The following ABCA10 variants were observed in gnomAD, a reference collection of about 807,000 sequenced individuals.
The protein encoded by ABCA10 is ATP binding cassette subfamily A member 10.
In ABCA10, 169 loss-of-function variants were observed where a neutral mutation model predicts 187.5. That is an observed-to-expected ratio of 0.90 (90% CI 0.80 to 1.02). The LOEUF is 1.02. Ranked by LOEUF, ABCA10 falls within the 50% of genes least tolerant of loss-of-function variation. ABCA10 has a pLI of 0.00. For missense variants in ABCA10, 1,727 were observed against 1,812.4 expected, an observed-to-expected ratio of 0.95 and a Z score of 0.86; for synonymous variants, 574 against 601.8, an observed-to-expected ratio of 0.95 and a Z score of 0.68.
rs374670778 is a variant in ABCA10 at position 69,193,227 on chromosome 17, T to C, written c.1663A>G (p.Thr555Ala). The change falls in exon 15 of 39, where the codon ACT (threonine) becomes GCT (alanine). Residue 555 changes from threonine (T) to alanine (A), a missense_variant. By Grantham distance (58) the Thr-to-Ala change is moderately conservative. Transcript: ENST00000690296. ...DPQVLLLDEP[T>A]AGLDPFSRHR... Reference sequence around the variant, plus strand: ...CTTGAAAAGGGATCCAATCCAGCAGTTGGTTCATCTAGCAGCAAAACCTAC... The same window carrying C: ...CTTGAAAAGGGATCCAATCCAGCAGCTGGTTCATCTAGCAGCAAAACCTAC... 3.7e-6 allele frequency: 6 copies of C among 1,613,568 alleles called. No individual in the cohort carries two copies. In the African/African-American group the frequency reaches 6.7e-5, roughly 18 times the overall value.
At chr17:69,156,659 T>C (rs1434255189) in intron 28 of ABCA10, among the ~76,000 whole-genome samples, 173 bp downstream of exon 28, 1 of 152,136 alleles carries the variant, frequency 6.6e-6, no homozygotes, top group African/African-American at 2.4e-5. Context: ...AATAAAATTA[T>C]AAATTTAAGA....
chr17:69,188,632 C>T (rs2074439115), intron 18 of ABCA10, among the ~76,000 whole-genome samples: 4 of 151,580 alleles, frequency 2.6e-5, no homozygotes, highest in Admixed American at 6.6e-5. Flanking sequence ...GGTGTACAGA[C>T]AATTTTGTCA....
intron 30 of ABCA10, 148 bp from the exon 31 acceptor site, chr17:69,154,474 G>A (rs2074158438): frequency 1.6e-6 from 1 of 618,724 alleles, no homozygotes; most frequent in East Asian, 2.9e-5. Context: ...GCCTAGGCTG[G>A]ACTGTGGTGG....
At chr17:69,191,009 C>T (rs1023001269) in intron 17 of ABCA10, among the ~76,000 whole-genome samples, 167 bp downstream of exon 17, 1 of 151,980 alleles carries the variant, frequency 6.6e-6, no homozygotes, top group Admixed American at 6.6e-5. Flanking sequence ...TGCTATAATA[C>T]GTCCCTGGTA....
Position 69,190,440 on chromosome 17 carries a change from G to T in ABCA10, c.2049C>A (p.Gly683=). 1 of 1,584,596 alleles carries T rather than the reference G, an allele frequency of 6.3e-7. No homozygotes were observed. ...YSDLDKCSDQ[G]IRNYAVSVTS... is the part of the protein sequence containing the mutation. ...TCACTGAAACAGCATAATTCCTTATGCCCTGGTCAGAACACTTATCAAGGT... is the reference window on the plus strand; with the variant it reads ...TCACTGAAACAGCATAATTCCTTATTCCCTGGTCAGAACACTTATCAAGGT... Residue 683 remains glycine, a synonymous_variant, in exon 18 of 39, where the codon GGC becomes GGA. Transcript: ENST00000690296.
chr17:69,194,519 A>C (rs564173364), intron 11 of ABCA10, 24 bp from the exon 12 acceptor site: 1 of 1,561,682 alleles, frequency 6.4e-7, no homozygotes, highest in South Asian at 1.2e-5. Flanking sequence ...AAAAGTGGAA[A>C]TTAGATTTTG....
chr17:69,172,490 C>G (rs956530396), intron 25 of ABCA10, among the ~76,000 whole-genome samples: 4 of 152,076 alleles, frequency 2.6e-5, no homozygotes, highest in African/African-American at 9.7e-5. Context: ...ATGGGAGAGG[C>G]CTCAGAAGAA....
At chr17:69,204,902 C>A (rs540728371) in intron 9 of ABCA10, among the ~76,000 whole-genome samples, 1 of 152,292 alleles carries the variant, frequency 6.6e-6, no homozygotes, top group East Asian at 1.9e-4. Flanking sequence ...ACCAAGACAG[C>A]TAAATGGCTT....
intron 10 of ABCA10, among the ~76,000 whole-genome samples, chr17:69,200,260 A>G (rs574119493): frequency 6.6e-6 from 1 of 152,276 alleles, no homozygotes; most frequent in African/African-American, 2.4e-5. Context: ...CTTTATGACA[A>G]ATTGTGTATT....
chr17:69,183,081 A>G (rs1055841038), intron 20 of ABCA10, among the ~76,000 whole-genome samples: 3 of 152,152 alleles, frequency 2.0e-5, no homozygotes, highest in Non-Finnish European at 4.4e-5. Context: ...GTTTATGAAA[A>G]TAAGATTGCA....
chr17:69,192,531 C>T, intron 16 of ABCA10, 32 bp downstream of exon 16: 1 of 1,542,098 alleles, frequency 6.5e-7, no homozygotes, highest in Non-Finnish European at 8.9e-7. Context: ...TTAATATGCT[C>T]ATTTAAAAAT....
intron 25 of ABCA10, among the ~76,000 whole-genome samples, chr17:69,167,261 G>A (rs1331887769): frequency 6.6e-6 from 1 of 152,080 alleles, no homozygotes; most frequent in Non-Finnish European, 1.5e-5. Context: ...CTAGATCAGG[G>A]GTCATAAGAA....
At chr17:69,217,285 A>T in intron 6 of ABCA10, among the ~76,000 whole-genome samples, 1 of 152,092 alleles carries the variant, frequency 6.6e-6, no homozygotes, top group East Asian at 1.9e-4. Flanking sequence ...TGATGATTAT[A>T]GTTGTATAAC....
chr17:69,225,250 A>C, intron 3 of ABCA10, 75 bp downstream of exon 3: 2 of 1,517,172 alleles, frequency 1.3e-6, no homozygotes, highest in Non-Finnish European at 1.8e-6. Context: ...AGGCTAGGTA[A>C]GTAAATTCAA....
intron 1 of ABCA10, among the ~76,000 whole-genome samples, chr17:69,236,876 C>T (rs1398898221): frequency 1.3e-5 from 2 of 151,990 alleles, no homozygotes; most frequent in African/African-American, 2.4e-5. Context: ...TCTCTCACAA[C>T]GAAAAATTAT....
chr17:69,157,749 G>A (rs1381126180), intron 27 of ABCA10, among the ~76,000 whole-genome samples: 2 of 151,792 alleles, frequency 1.3e-5, no homozygotes, highest in Admixed American at 1.3e-4. Flanking sequence ...TTTCAAAACA[G>A]TTGTCTCAAC....
intron 27 of ABCA10, among the ~76,000 whole-genome samples, chr17:69,159,222 T>C (rs1161651216): frequency 1.3e-5 from 2 of 152,004 alleles, no homozygotes; most frequent in Non-Finnish European, 2.9e-5. Flanking sequence ...AAGTAAAATA[T>C]GACTCAAATA....
intron 1 of ABCA10, among the ~76,000 whole-genome samples, chr17:69,235,339 T>A (rs2074860815): frequency 6.6e-6 from 1 of 152,206 alleles, no homozygotes; most frequent in Non-Finnish European, 1.5e-5. Flanking sequence ...CTGTCCTATC[T>A]AAGAACCATT....
rs2074812277 is a variant in ABCA10 at position 69,228,745 on chromosome 17, G to C, written c.-477C>G. 6.6e-6 allele frequency: 1 copy of C among 151,922 alleles called. No individual in the cohort carries two copies. The highest frequency in any genetic ancestry group is 1.5e-5 in the Non-Finnish European group (1 of 67,906). 9.4% of individuals were successfully genotyped at this position (151,922 alleles called of 1,614,324 possible). On this transcript the variant is annotated 5_prime_UTR_variant, in exon 1 of 39. Coordinates refer to ENST00000690296, the MANE Select transcript of ABCA10 (RefSeq NM_001377321.1). ...TCTGAAAAGCCATGGTCTGTGTGTA[G>C]AACATGCCAACAAATTCTGTTGGTT...
Sources: gnomAD v4.1 joint callset for allele counts (sites outside exome capture counted in the v4.1 genomes callset) on GRCh38, gnomAD v4.1.1 for gene constraint, MANE v1.5 for transcripts, NCBI Gene and HGNC (gene_info 2026-07-23, HGNC 2026-07-21) for gene names.